The following CCDC82 variants were observed in gnomAD, a reference collection of about 807,000 sequenced individuals.
CCDC82 encodes the protein coiled-coil domain-containing protein 82.
CCDC82 carries 47 observed loss-of-function variants against 60.6 expected under a neutral mutation model. The observed-to-expected ratio is 0.77, with a 90% CI of 0.61 to 0.99. The LOEUF (loss-of-function observed/expected upper bound fraction) is 0.99. Among genes scored for constraint, CCDC82 ranks in the 50% least tolerant of loss-of-function variants. The pLI is 0.00. For missense variants in CCDC82, 588 were observed against 633.0 expected, an observed-to-expected ratio of 0.93 and a Z score of 0.76; for synonymous variants, 212 against 207.4, an observed-to-expected ratio of 1.02 and a Z score of -0.19.
At chr11:96,373,269 T>C (rs1865380202) in intron 6 of CCDC82, 106 bp downstream of exon 6, 2 of 654,156 alleles carry the variant, frequency 3.1e-6, no homozygotes, top group East Asian at 2.7e-5. Context: ...GTCTTACAAA[T>C]GATCCTCATT....
At chr11:96,364,796 T>C in intron 8 of CCDC82, 184 bp downstream of exon 8, 1 of 525,022 alleles carries the variant, frequency 1.9e-6, no homozygotes, top group Non-Finnish European at 3.4e-6. Context: ...AGCACAGTGT[T>C]TTTTGAATTC....
At chr11:96,356,577 T>C (rs904224713) in intron 9 of CCDC82, 21 of 984,832 alleles carry the variant, frequency 2.1e-5, no homozygotes, top group Non-Finnish European at 2.5e-5. Flanking sequence ...CAAATATTCG[T>C]TAGAATTTTG....
intron 8 of CCDC82, 35 bp from the exon 9 acceptor site, chr11:96,359,213 G>A (rs774651815): frequency 1.3e-6 from 2 of 1,491,094 alleles, no homozygotes; most frequent in South Asian, 1.4e-5. Flanking sequence ...ATCTGACAAC[G>A]AATATATATC....
intron 7 of CCDC82, among the ~76,000 whole-genome samples, chr11:96,367,255 A>T (rs1196077730): frequency 2.6e-5 from 4 of 152,214 alleles, no homozygotes; most frequent in Non-Finnish European, 5.9e-5. Context: ...CCTTTCATGA[A>T]AGATTTCTCT....
chr11:96,375,655 A>C (rs1865533068), intron 5 of CCDC82, among the ~76,000 whole-genome samples: 1 of 152,208 alleles, frequency 6.6e-6, no homozygotes, highest in Non-Finnish European at 1.5e-5. Flanking sequence ...AGAGGATGAA[A>C]AACTTTCCTA....
At chr11:96,367,776 A>T (rs946722395) in intron 7 of CCDC82, among the ~76,000 whole-genome samples, 7 of 151,974 alleles carry the variant, frequency 4.6e-5, no homozygotes, top group Non-Finnish European at 5.9e-5. Context: ...GATACATCAG[A>T]AGAATCACTG....
intron 8 of CCDC82, chr11:96,363,466 T>TA (rs1287445462): frequency 2.6e-5 from 4 of 152,224 alleles, no homozygotes; most frequent in African/African-American, 9.6e-5. Flanking sequence ...ATAACTAACT[T>TA]AACGTTTACA....
intron 8 of CCDC82, among the ~76,000 whole-genome samples, chr11:96,362,625 TTCTCA>T (rs992170705): frequency 5.9e-5 from 9 of 152,170 alleles, no homozygotes; most frequent in African/African-American, 9.7e-5. Flanking sequence ...GGTAATTTCC[TTCTCA>T]TCTATGTCCT....
At position 96,387,557 on chromosome 11, in the gene CCDC82, G is replaced by C. The variant is rs1591231338; in HGVS notation, c.-82C>G. 6.6e-6 allele frequency: 1 copy of C among 152,206 alleles called. No individual in the cohort carries two copies. Among genetic ancestry groups the C allele is most frequent in the Non-Finnish European group, 1.5e-5 (1 of 68,042 alleles). 9.4% of individuals were successfully genotyped at this position (152,206 alleles called of 1,614,324 possible). A position where few individuals can be genotyped will look rare whatever the true frequency, so the allele number is the denominator to read the frequency against. ...AAGATCACGCAGCTTGTTAGTGACA[G>C]AGCAGGGATTAGAAACCGGGTCTCT... On this transcript the variant is annotated 5_prime_UTR_variant, in exon 2 of 10. Transcript: ENST00000646818.
chr11:96,374,257 T>C (rs140818824), intron 5 of CCDC82, among the ~76,000 whole-genome samples: 109 of 152,306 alleles, frequency 7.2e-4, no homozygotes, highest in African/African-American at 2.3e-3. Flanking sequence ...TCGAGAAATA[T>C]AGAAGATGTC....
At chr11:96,371,406 C>A (rs1022939094) in intron 6 of CCDC82, among the ~76,000 whole-genome samples, 10 of 152,060 alleles carry the variant, frequency 6.6e-5, no homozygotes, top group Non-Finnish European at 1.3e-4. Context: ...CACGGTGAAA[C>A]CCCATCTCTA....
intron 8 of CCDC82, chr11:96,363,470 G>A (rs775851798): frequency 6.6e-6 from 1 of 151,992 alleles, no homozygotes; most frequent in Non-Finnish European, 1.5e-5. Context: ...CTAACTTAAC[G>A]TTTACATATA....
At chr11:96,357,848 G>A in intron 9 of CCDC82, 2 of 985,396 alleles carry the variant, frequency 2.0e-6, no homozygotes, top group Middle Eastern at 5.2e-4. Context: ...TAAGCAGGGA[G>A]AAGCATTTGG....
chr11:96,375,444 T>A (rs994935607), intron 5 of CCDC82, among the ~76,000 whole-genome samples: 1 of 152,198 alleles, frequency 6.6e-6, no homozygotes, highest in South Asian at 2.1e-4. Flanking sequence ...AAGGCACCTA[T>A]TTCATTATGC....
chr11:96,356,920 CA>C (rs1250485392), intron 9 of CCDC82: 1 of 985,218 alleles, frequency 1.0e-6, no homozygotes, highest in Non-Finnish European at 1.2e-6. Context: ...GGCAGAAAGA[CA>C]GGAACAAATA....
chr11:96,384,634 A>C lies in CCDC82; in HGVS notation c.114T>G (p.Leu38=), dbSNP rs1866085888. The C allele has an allele frequency of 5.6e-6, 9 of 1,613,634 alleles. No homozygotes were observed. The highest frequency in any genetic ancestry group is 7.6e-6 in the Non-Finnish European group (9 of 1,179,706). ...RTKRSSISQL[L]DSDEELDSEE... ...CACTATCAAGCTCTTCATCACTATC[A>C]AGTAATTGTGAGATACTACTTCTTT... is the stretch of plus-strand genomic sequence containing the variant. Residue 38 remains leucine (L), a synonymous_variant, in exon 4 of 10, where the codon CTT becomes CTG. Transcript: ENST00000646818.
At chr11:96,357,338 T>C (rs1864398541) in intron 9 of CCDC82, 5 of 985,230 alleles carry the variant, frequency 5.1e-6, no homozygotes, top group Non-Finnish European at 4.8e-6. Context: ...AAAAAATGTG[T>C]ATACTGTCCT....
At chr11:96,374,159 C>T (rs1305958283) in intron 5 of CCDC82, among the ~76,000 whole-genome samples, 3 of 152,186 alleles carry the variant, frequency 2.0e-5, no homozygotes, top group South Asian at 2.1e-4. Flanking sequence ...CTATCAACCA[C>T]GACCCATTCC....
In CCDC82 at chr11:96,359,123, T is replaced by A. The variant is rs752331960; in HGVS notation, c.1436A>T (p.Lys479Ile). 5.0e-6 allele frequency: 8 copies of A among 1,600,828 alleles called. No homozygotes were observed. Among genetic ancestry groups the A allele is most frequent in the Non-Finnish European group, 6.8e-6 (8 of 1,176,646 alleles). ...CTGGTATAGTTTGAATTTAAAATGT[T>A]TCAGTTTATGATAAATTCTGGTACG... ...ASRTRIYHKL[K>I]HFKFKLYQEC... is the part of the protein sequence containing the mutation. Residue 479 changes from lysine (K) to isoleucine (I), a missense_variant, in exon 9 of 10, where the codon AAA (lysine) becomes ATA (isoleucine). Lys to Ile is a moderately radical substitution (Grantham distance 102). Coordinates refer to ENST00000646818, the MANE Select transcript of CCDC82 (RefSeq NM_024725.4).
Sources: allele counts gnomAD v4.1 joint callset (sites outside exome capture counted in the v4.1 genomes callset), GRCh38; gene constraint gnomAD v4.1.1; transcripts MANE v1.5; gene names NCBI Gene and HGNC (gene_info 2026-07-23, HGNC 2026-07-21).